The following HPSE2 variants were observed in gnomAD, a reference collection of about 807,000 sequenced individuals.
The protein encoded by HPSE2 is heparanase 2 (inactive), also known as inactive heparanase-2.
HPSE2 carries 38 observed loss-of-function variants against 60.5 expected under a neutral mutation model. The observed-to-expected ratio is 0.63, with a 90% CI of 0.48 to 0.82. HPSE2 has a LOEUF of 0.82. Ranked by LOEUF, HPSE2 falls within the 40% of genes least tolerant of loss-of-function variation. The pLI is 0.00. For missense variants in HPSE2, 713 were observed against 740.4 expected (o/e 0.96, Z 0.43); for synonymous variants, 295 against 293.2 (o/e 1.01, Z -0.06).
chr10:98,654,502 A>G (rs72840531), intron 6 of HPSE2, among the ~76,000 whole-genome samples: 4,991 of 152,314 alleles, frequency 0.033, 216 homozygotes, highest in African/African-American at 0.092. Flanking sequence ...AGCTGTATCC[A>G]GTCTACTGAT....
intron 3 of HPSE2, among the ~76,000 whole-genome samples, chr10:98,778,707 T>C (rs148958810): frequency 2.6e-5 from 4 of 152,330 alleles, no homozygotes; most frequent in Admixed American, 1.3e-4. Flanking sequence ...CCATATTGGC[T>C]ACTTAGGCAA....
chr10:98,533,230 G>A (rs181182187), intron 9 of HPSE2, among the ~76,000 whole-genome samples: 44 of 152,326 alleles, frequency 2.9e-4, no homozygotes, highest in Non-Finnish European at 5.9e-5. Context: ...GACTACAAAT[G>A]AAGCAGCTGT....
At chr10:99,032,265 G>A (rs949719897) in intron 3 of HPSE2, among the ~76,000 whole-genome samples, 1 of 152,088 alleles carries the variant, frequency 6.6e-6, no homozygotes, top group Non-Finnish European at 1.5e-5. Context: ...TACTTCCTGA[G>A]ATCATGATGT....
intron 3 of HPSE2, among the ~76,000 whole-genome samples, chr10:99,133,290 A>G (rs1845517707): frequency 6.6e-6 from 1 of 152,172 alleles, no homozygotes; most frequent in South Asian, 2.1e-4. Flanking sequence ...CACCTGGGGA[A>G]AGGGGCAGCT....
At chr10:99,062,610 A>G (rs1393640881) in intron 3 of HPSE2, among the ~76,000 whole-genome samples, 2 of 152,124 alleles carry the variant, frequency 1.3e-5, no homozygotes, top group Non-Finnish European at 2.9e-5. Context: ...TCAGAGCCAA[A>G]ACCTTATATC....
rs550046406 is a variant in HPSE2, at chr10:99,216,188, C to CTTTT, written c.448+16156_448+16159dup. 9.0e-4 allele frequency among the ~76,000 whole-genome samples: 88 copies of CTTTT among 97,640 alleles called. 1 individual carries two copies. The highest frequency in any genetic ancestry group is 1.4e-3 in the African/African-American group (33 of 23,686). The allele number at this position is 97,640 out of a possible 152,430, so 64.1% of individuals were successfully genotyped here. A position where few individuals can be genotyped will look rare whatever the true frequency, so the allele number is the denominator to read the frequency against. On this transcript the variant is annotated intron_variant, in intron 2 of 11. Coordinates refer to ENST00000370552, the MANE Select transcript of HPSE2 (RefSeq NM_021828.5). ...CTCGGCAATGGTCTAATAACCTAAA[C>CTTTT]TTTTTTTTTTTTTTTTTTTTTTTCT...
chr10:98,818,177 C>A (rs555974546), intron 3 of HPSE2, among the ~76,000 whole-genome samples: 43 of 152,262 alleles, frequency 2.8e-4, no homozygotes, highest in African/African-American at 9.9e-4. Flanking sequence ...CATGTATGCC[C>A]ATCAGAGAAC....
intron 3 of HPSE2, among the ~76,000 whole-genome samples, chr10:99,067,570 G>A (rs1337035018): frequency 2.0e-5 from 3 of 152,322 alleles, no homozygotes; most frequent in East Asian, 1.9e-4. Context: ...TGTAACCTCT[G>A]AAGTAATAGT....
intron 3 of HPSE2, among the ~76,000 whole-genome samples, chr10:98,940,785 G>A (rs1348051055): frequency 7.0e-6 from 1 of 142,102 alleles, no homozygotes; most frequent in Non-Finnish European, 1.5e-5. Context: ...AACCAAAAAA[G>A]AGAATTTTAA....
At chr10:98,823,444 TC>T (rs1951469207) in intron 3 of HPSE2, among the ~76,000 whole-genome samples, 1 of 151,900 alleles carries the variant, frequency 6.6e-6, no homozygotes, top group Non-Finnish European at 1.5e-5. Flanking sequence ...TATAGCGAGA[TC>T]CAATCTCTAC....
the HPSE2 span, among the ~76,000 whole-genome samples, chr10:99,241,974 A>G: frequency 1.3e-5 from 2 of 152,208 alleles, no homozygotes; most frequent in Non-Finnish European, 2.9e-5. Context: ...AGTCTATACC[A>G]CATATTTTAA....
At chr10:98,561,003 C>T (rs1413632207) in intron 9 of HPSE2, among the ~76,000 whole-genome samples, 1 of 152,112 alleles carries the variant, frequency 6.6e-6, no homozygotes, top group Non-Finnish European at 1.5e-5. Flanking sequence ...TTAGAATTTA[C>T]TCCTTTTACT....
the HPSE2 span, among the ~76,000 whole-genome samples, chr10:99,252,971 G>T: frequency 6.6e-6 from 1 of 151,232 alleles, no homozygotes. Flanking sequence ...ACTGCTAAAA[G>T]CAATCACAGA....
intron 7 of HPSE2, among the ~76,000 whole-genome samples, chr10:98,632,494 T>C (rs978113805): frequency 3.3e-5 from 5 of 152,154 alleles, no homozygotes; most frequent in African/African-American, 1.2e-4. Context: ...ACTAAAACTT[T>C]GGTGTTCTTT....
chr10:98,831,621 A>G (rs2134655371), intron 3 of HPSE2, among the ~76,000 whole-genome samples: 1 of 152,286 alleles, frequency 6.6e-6, no homozygotes, highest in Non-Finnish European at 1.5e-5. Flanking sequence ...GATAAGAGAG[A>G]CCTTGCTCAA....
chr10:98,503,664 C>T (rs1320963817), intron 9 of HPSE2, among the ~76,000 whole-genome samples: 1 of 152,166 alleles, frequency 6.6e-6, no homozygotes, highest in Non-Finnish European at 1.5e-5. Flanking sequence ...TATATTTATA[C>T]AATGGAATGC....
Position 98,736,359 on chromosome 10 carries a change from T to C in HPSE2, c.784+7524A>G, listed in dbSNP as rs569222199. Reference sequence around the variant, plus strand: ...AAATTACCTAGTCTCGAGTATGTCTTTATCAGCAGCATGAAAATGGACTTT... The same window carrying C: ...AAATTACCTAGTCTCGAGTATGTCTCTATCAGCAGCATGAAAATGGACTTT... On this transcript the variant is annotated intron_variant, in intron 4 of 11. Coordinates refer to ENST00000370552, the MANE Select transcript of HPSE2 (RefSeq NM_021828.5). Among the ~76,000 whole-genome samples, 18 of 152,240 alleles carry C rather than the reference T, an allele frequency of 1.2e-4. No homozygotes were observed. In the South Asian group the frequency reaches 3.7e-3, roughly 32 times the overall value.
intron 7 of HPSE2, among the ~76,000 whole-genome samples, chr10:98,622,439 T>G (rs1462644559): frequency 6.6e-6 from 1 of 152,214 alleles, no homozygotes; most frequent in Non-Finnish European, 1.5e-5. Context: ...ATTACGTTAA[T>G]TTAATTCTCT....
chr10:98,661,163 G>A (rs1947213519), intron 6 of HPSE2, among the ~76,000 whole-genome samples: 1 of 152,234 alleles, frequency 6.6e-6, no homozygotes, highest in South Asian at 2.1e-4. Context: ...CAGAGAGGCT[G>A]ATGAAGGTAA....
Sources: allele counts gnomAD v4.1 joint callset (sites outside exome capture counted in the v4.1 genomes callset), GRCh38; gene constraint gnomAD v4.1.1; transcripts MANE v1.5; gene names NCBI Gene and HGNC (gene_info 2026-07-23, HGNC 2026-07-21).